Variants in CHGB observed in about 807,000 individuals in gnomAD.
CHGB encodes the protein chromogranin B.
In CHGB, 46 loss-of-function variants were observed where a neutral mutation model predicts 69.9. The observed-to-expected ratio is 0.66, with a 90% CI of 0.52 to 0.84. The LOEUF (loss-of-function observed/expected upper bound fraction) is 0.84, where lower values mean the gene tolerates loss of function less well. Ranked by LOEUF, CHGB falls within the 40% of genes least tolerant of loss-of-function variation. The pLI is 0.00. For synonymous variants in CHGB, 312 were observed against 298.2 expected, an observed-to-expected ratio of 1.05 and a Z score of -0.48; for missense variants, 796 against 822.2, an observed-to-expected ratio of 0.97 and a Z score of 0.39.
At position 5,922,333 on chromosome 20, in the gene CHGB, A is replaced by G; in HGVS notation, c.191-2A>G. ...TATACCTACTCTTCATTTTCATTAT[A>G]GGTAGAAAAGACGTCAAAGACAAAG... is the stretch of plus-strand genomic sequence containing the variant. On this transcript the variant is annotated splice_acceptor_variant, in intron 3 of 4. Transcript: ENST00000378961. LOFTEE classifies it high-confidence loss of function. 1 of 1,529,228 alleles carries G rather than the reference A, an allele frequency of 6.5e-7. No individual in the cohort carries two copies. The highest frequency in any genetic ancestry group is 1.3e-5 in the South Asian group (1 of 77,154). The allele number at this position is 1,529,228 out of a possible 1,614,324, so 94.7% of individuals were successfully genotyped here. A position where few individuals can be genotyped will look rare whatever the true frequency, so the allele number is the denominator to read the frequency against.
chr20:5,913,898 T>C (rs1387192712), intron 1 of CHGB, among the ~76,000 whole-genome samples: 1 of 152,064 alleles, frequency 6.6e-6, no homozygotes, highest in Non-Finnish European at 1.5e-5. Context: ...TCCCAAAGTG[T>C]TGAGATTACA....
intron 3 of CHGB, among the ~76,000 whole-genome samples, chr20:5,922,000 T>C (rs2088516554): frequency 6.6e-6 from 1 of 152,166 alleles, no homozygotes; most frequent in African/African-American, 2.4e-5. Flanking sequence ...TTGGACTGGA[T>C]TAGATGAATT....
In CHGB at chr20:5,923,880, A is replaced by T. The variant is rs780425228; in HGVS notation, c.1736A>T (p.Asp579Val). 3.7e-6 allele frequency: 6 copies of T among 1,614,106 alleles called. No individual in the cohort carries two copies. Among genetic ancestry groups the T allele is most frequent in the Admixed American group, 1.7e-5 (1 of 60,008 alleles). Residue 579 changes from aspartate (D) to valine (V), a missense_variant, in exon 4 of 5, where the codon GAT becomes GTT. Transcript: ENST00000378961. ...TGGGAGAAAAAGCCCTTCTCTGAGGATGTGAACTGGGGGTATGAGAAGAGA... is the reference window on the plus strand; with the variant it reads ...TGGGAGAAAAAGCCCTTCTCTGAGGTTGTGAACTGGGGGTATGAGAAGAGA... ...DWWEKKPFSE[D>V]VNWGYEKRNL...
In CHGB at chr20:5,923,746, C is replaced by T. The variant is rs558844988; in HGVS notation, c.1602C>T (p.Ser534=). Residue 534 remains serine, a synonymous_variant, in exon 4 of 5, where the codon AGC becomes AGT. Transcript: ENST00000378961. The stretch of plus-strand genomic sequence containing the variant: ...ACGACCCTCTCCAGTGGAAGAGCAG[C>T]CATTTTGAAAGAAGAGACAACATGA... ...PYYDPLQWKS[S]HFERRDNMND... The T allele has an allele frequency of 4.7e-5, 76 of 1,614,094 alleles. No homozygotes were observed. The South Asian group carries it at 7.6e-4, about 16-fold the overall frequency.
intron 1 of CHGB, among the ~76,000 whole-genome samples, chr20:5,913,628 C>CTTTTCTTTTTT (rs1289315671): frequency 1.1e-5 from 1 of 90,472 alleles, no homozygotes; most frequent in African/African-American, 3.7e-5. Context: ...CTTTTCTTTT[C>CTTTTCTTTTTT]TTTTTTTTTT....
Position 5,923,533 on chromosome 20 carries a change from G to A in CHGB, c.1389G>A (p.Ala463=), listed in dbSNP as rs146079149. 70 of 1,614,154 alleles carry A rather than the reference G, an allele frequency of 4.3e-5. No individual in the cohort carries two copies. Among genetic ancestry groups the A allele is most frequent in the Middle Eastern group, 1.6e-4 (1 of 6,062 alleles). Residue 463 remains alanine, a synonymous_variant, in exon 4 of 5, where the codon GCG becomes GCA. Transcript: ENST00000378961. ...AGGCAAGGAGGCATCCACAAGGTGCGTGGAAAGAGCTGGACAGAAATTATC... is the reference window on the plus strand; with the variant it reads ...AGGCAAGGAGGCATCCACAAGGTGCATGGAAAGAGCTGGACAGAAATTATC... The part of the protein sequence containing the change: ...MDKARRHPQG[A]WKELDRNYLN...
At position 5,918,810 on chromosome 20, in the gene CHGB, T is replaced by TAAAAAAAAAA. The variant is rs71182109; in HGVS notation, c.190+1917_190+1926dup. ...CTCAGTGACAGAGCGAGTCTCTGTCTAAAAAAAAAAAAAAAAAAAAAAAAA... is the reference window on the plus strand; with the variant it reads ...CTCAGTGACAGAGCGAGTCTCTGTCTAAAAAAAAAAAAAAAAAAAAAAAAAAAAAAAAAAA... On this transcript the variant is annotated intron_variant, in intron 3 of 4. Transcript: ENST00000378961. Among the ~76,000 whole-genome samples, 15 of 31,456 alleles carry TAAAAAAAAAA rather than the reference T, an allele frequency of 4.8e-4. 1 individual carries two copies. Among genetic ancestry groups the TAAAAAAAAAA allele is most frequent in the African/African-American group, 1.6e-3 (13 of 8,370 alleles). 20.6% of individuals were successfully genotyped at this position (31,456 alleles called of 152,430 possible).
At chr20:5,912,965 A>G (rs1345211758) in intron 1 of CHGB, among the ~76,000 whole-genome samples, 1 of 152,230 alleles carries the variant, frequency 6.6e-6, no homozygotes, top group Non-Finnish European at 1.5e-5. Flanking sequence ...TTGTCAATAA[A>G]TGTTCTCAAT....
rs900808710 is a variant in CHGB, at chr20:5,911,589, C to G, written c.-45C>G. 7 of 1,516,628 alleles carry G rather than the reference C, an allele frequency of 4.6e-6. No individual in the cohort carries two copies. The African/African-American group carries it at 1.0e-4, about 22-fold the overall frequency. 93.9% of individuals were successfully genotyped at this position (1,516,628 alleles called of 1,614,324 possible). Reference sequence around the variant, plus strand: ...TCCTCCTGCGCCTCGCTTCTCCGGTCCAGCCGCCATCTTCCTTTCCGCACA... The same window carrying G: ...TCCTCCTGCGCCTCGCTTCTCCGGTGCAGCCGCCATCTTCCTTTCCGCACA... On this transcript the variant is annotated 5_prime_UTR_variant, in exon 1 of 5. Coordinates refer to ENST00000378961, the MANE Select transcript of CHGB (RefSeq NM_001819.3).
At chr20:5,918,507 T>A (rs1192045168) in intron 3 of CHGB, among the ~76,000 whole-genome samples, 1 of 151,704 alleles carries the variant, frequency 6.6e-6, no homozygotes, top group African/African-American at 2.4e-5. Flanking sequence ...AAGCAAATAG[T>A]GATTGGCCAA....
chr20:5,920,129 G>A (rs529533077), intron 3 of CHGB, among the ~76,000 whole-genome samples: 25 of 152,258 alleles, frequency 1.6e-4, no homozygotes, highest in African/African-American at 3.6e-4. Flanking sequence ...GCCCACCTGC[G>A]GGGCTTAAAG....
chr20:5,920,133 C>T lies in CHGB; in HGVS notation c.191-2202C>T, dbSNP rs369362338. 4.6e-5 allele frequency among the ~76,000 whole-genome samples: 7 copies of T among 152,190 alleles called. No individual in the cohort carries two copies. The East Asian group carries it at 7.7e-4, about 17-fold the overall frequency. Reference sequence around the variant, plus strand: ...GCCTCTTCCAGGCCCACCTGCGGGGCTTAAAGCTAAATTTAGTAGGAAGAG... The same window carrying T: ...GCCTCTTCCAGGCCCACCTGCGGGGTTTAAAGCTAAATTTAGTAGGAAGAG... On this transcript the variant is annotated intron_variant, in intron 3 of 4. Transcript: ENST00000378961.
intron 3 of CHGB, 102 bp downstream of exon 3, chr20:5,917,021 A>C: frequency 1.9e-6 from 2 of 1,030,658 alleles, no homozygotes; most frequent in Admixed American, 1.8e-5. Flanking sequence ...ACCTGGGGGC[A>C]TAATGCACTA....
rs1406101072 is a variant in CHGB at position 5,922,852 on chromosome 20, C to G, written c.708C>G (p.Ser236Arg). Reference protein sequence around the residue: ...QEKTHSREKSSQESGEETGSQ... With the variant: ...QEKTHSREKSRQESGEETGSQ... Reference sequence around the variant, plus strand: ...AGACACATAGCCGAGAGAAGAGTAGCCAGGAGAGTGGAGAGGAGACAGGGA... The same window carrying G: ...AGACACATAGCCGAGAGAAGAGTAGGCAGGAGAGTGGAGAGGAGACAGGGA... Residue 236 changes from serine to arginine, a missense_variant, in exon 4 of 5, where the codon AGC (serine) becomes AGG (arginine). Transcript: ENST00000378961. 1 of 1,613,868 alleles carries G rather than the reference C, an allele frequency of 6.2e-7. No individual in the cohort carries two copies. The highest frequency in any genetic ancestry group is 8.5e-7 in the Non-Finnish European group (1 of 1,179,906).
chr20:5,913,387 C>A (rs948410980), intron 1 of CHGB, among the ~76,000 whole-genome samples: 6 of 152,062 alleles, frequency 3.9e-5, no homozygotes, highest in Non-Finnish European at 8.8e-5. Flanking sequence ...CAGCCTCTGG[C>A]AATGAGACAT....
chr20:5,920,179 G>A (rs1568551056), intron 3 of CHGB, among the ~76,000 whole-genome samples: 1 of 152,164 alleles, frequency 6.6e-6, no homozygotes, highest in Non-Finnish European at 1.5e-5. Flanking sequence ...GGCACATGCT[G>A]CTCAGGCAGT....
At position 5,916,331 on chromosome 20, in the gene CHGB, A is replaced by C; in HGVS notation, c.55A>C (p.Asn19His). The C allele has an allele frequency of 6.2e-7, 1 of 1,613,680 alleles. No homozygotes were observed. ...ATTCTTTTTCTCCTTCAAAGCTGTCAATTCCATGCCAGTGGATAACAGGAA... is the reference window on the plus strand; with the variant it reads ...ATTCTTTTTCTCCTTCAAAGCTGTCCATTCCATGCCAGTGGATAACAGGAA... ...LLGAVGLAAV[N>H]SMPVDNRNHN... The change falls in exon 2 of 5, where the codon AAT becomes CAT. Residue 19 changes from asparagine (N) to histidine (H), a missense_variant. By Grantham distance (68) the Asn-to-His change is moderately conservative. Transcript: ENST00000378961.
At position 5,911,568 on chromosome 20, in the gene CHGB, C is replaced by G. The variant is rs1195914177; in HGVS notation, c.-66C>G. 2 of 1,493,404 alleles carry G rather than the reference C, an allele frequency of 1.3e-6. No homozygotes were observed. The highest frequency in any genetic ancestry group is 2.9e-5 in the African/African-American group (2 of 69,014). 92.5% of individuals were successfully genotyped at this position (1,493,404 alleles called of 1,614,324 possible). A position where few individuals can be genotyped will look rare whatever the true frequency, so the allele number is the denominator to read the frequency against. ...CGGGGCCGCTCCATCGCGCCTTCCT[C>G]CTGCGCCTCGCTTCTCCGGTCCAGC... On this transcript the variant is annotated 5_prime_UTR_variant, in exon 1 of 5. Transcript: ENST00000378961.
chr20:5,924,222 T>C (rs2088536740), intron 4 of CHGB, 122 bp downstream of exon 4: 1 of 1,394,526 alleles, frequency 7.2e-7, no homozygotes, highest in South Asian at 1.6e-5. Flanking sequence ...AAAATGGTGC[T>C]CTAGTAATGG....
Sources: gnomAD v4.1 joint callset for allele counts (sites outside exome capture counted in the v4.1 genomes callset) on GRCh38, gnomAD v4.1.1 for gene constraint, MANE v1.5 for transcripts, NCBI Gene and HGNC (gene_info 2026-07-23, HGNC 2026-07-21) for gene names.